Variants in SPPL2A observed in about 807,000 individuals in gnomAD.
The protein encoded by SPPL2A is signal peptide peptidase-like 2A.
In SPPL2A, 51 loss-of-function variants were observed where a neutral mutation model predicts 63.8. The ratio of observed to expected loss-of-function variants is 0.80; its 90% CI spans 0.64 to 1.01. The LOEUF (loss-of-function observed/expected upper bound fraction) is 1.01, where lower values mean the gene tolerates loss of function less well. Among genes scored for constraint, SPPL2A ranks in the 50% least tolerant of loss-of-function variants. The pLI is 0.00. For missense variants in SPPL2A, 553 were observed against 622.7 expected (o/e 0.89, Z 1.19); for synonymous variants, 188 against 205.8 (o/e 0.91, Z 0.74).
chr15:50,742,633 T>C (rs555067355), intron 5 of SPPL2A: 12 of 152,286 alleles, frequency 7.9e-5, no homozygotes, highest in Admixed American at 7.9e-4. Context: ...TTTACATCAC[T>C]GATTCATATT....
intron 1 of SPPL2A, 87 bp downstream of exon 1, chr15:50,765,380 CG>C (rs1358806702): frequency 7.7e-6 from 8 of 1,044,320 alleles, no homozygotes; most frequent in Non-Finnish European, 1.1e-5. Flanking sequence ...GAGGGGAGGC[CG>C]GGCGAGGAGT....
intron 1 of SPPL2A, among the ~76,000 whole-genome samples, chr15:50,765,023 C>A (rs1475247008): frequency 6.6e-6 from 1 of 151,976 alleles, no homozygotes; most frequent in Non-Finnish European, 1.5e-5. Context: ...AATTAAAGTG[C>A]AGTCCTCGAA....
At chr15:50,725,150 G>C in intron 12 of SPPL2A, 71 bp downstream of exon 12, 1 of 931,152 alleles carries the variant, frequency 1.1e-6, no homozygotes, top group Non-Finnish European at 1.7e-6. Flanking sequence ...ACTTTTAACA[G>C]ATTCTATACA....
intron 1 of SPPL2A, among the ~76,000 whole-genome samples, chr15:50,755,444 G>A (rs1174344251): frequency 6.6e-6 from 1 of 151,852 alleles, no homozygotes; most frequent in East Asian, 1.9e-4. Flanking sequence ...AATATGGAGA[G>A]ATCTCGTTTC....
Position 50,735,566 on chromosome 15 carries a change from C to T in SPPL2A, c.932+535G>A, listed in dbSNP as rs551021519. Among the ~76,000 whole-genome samples, 7 of 141,314 alleles carry T rather than the reference C, an allele frequency of 5.0e-5. No homozygotes were observed. In the South Asian group the frequency reaches 1.4e-3, roughly 27 times the overall value. The allele number at this position is 141,314 out of a possible 152,430, so 92.7% of individuals were successfully genotyped here. A position where few individuals can be genotyped will look rare whatever the true frequency, so the allele number is the denominator to read the frequency against. On this transcript the variant is annotated intron_variant, in intron 8 of 14. Coordinates refer to ENST00000261854, the MANE Select transcript of SPPL2A (RefSeq NM_032802.4). ...ACATACACACACACACACACACACA[C>T]ATATTTTTTTGAGATAGAGTTTCAC...
At chr15:50,733,414 A>G (rs2062745419) in intron 8 of SPPL2A, among the ~76,000 whole-genome samples, 1 of 152,156 alleles carries the variant, frequency 6.6e-6, no homozygotes. Context: ...AGATATCTGT[A>G]TATTTTCTTA....
Position 50,757,089 on chromosome 15 carries a change from C to CTTTTTTTTTTTTTTTTTT in SPPL2A, c.67-7344_67-7343insAAAAAAAAAAAAAAAAAA, listed in dbSNP as rs57100103. Among the ~76,000 whole-genome samples the CTTTTTTTTTTTTTTTTTT allele has an allele frequency of 2.6e-3, 328 of 128,326 alleles. 13 individuals are homozygous for CTTTTTTTTTTTTTTTTTT. Among genetic ancestry groups the CTTTTTTTTTTTTTTTTTT allele is most frequent in the African/African-American group, 6.9e-3 (225 of 32,680 alleles). The allele number at this position is 128,326 out of a possible 152,430, so 84.2% of individuals were successfully genotyped here. ...GTTCCTCCCACATCCTAAATCCTTT[C>CTTTTTTTTTTTTTTTTTT]TTTTTTTTTTTGAGACAGAGTCTCA... On this transcript the variant is annotated intron_variant, in intron 1 of 14. Transcript: ENST00000261854.
At chr15:50,714,760 T>C (rs575328201) in intron 14 of SPPL2A, among the ~76,000 whole-genome samples, 4 of 151,614 alleles carry the variant, frequency 2.6e-5, no homozygotes, top group African/African-American at 9.7e-5. Flanking sequence ...CTGGCTAACA[T>C]GGCGAAATAC....
chr15:50,707,975 C>T, intron 14 of SPPL2A, 101 bp from the exon 15 acceptor site: 1 of 695,776 alleles, frequency 1.4e-6, no homozygotes, highest in Admixed American at 2.2e-5. Flanking sequence ...ACACAGATTG[C>T]TCTATGAAAC....
chr15:50,762,284 C>CT (rs1163790758), intron 1 of SPPL2A, among the ~76,000 whole-genome samples: 2 of 151,244 alleles, frequency 1.3e-5, no homozygotes, highest in African/African-American at 4.9e-5. Context: ...AGGAGAATCA[C>CT]TTGAACCCAG....
At chr15:50,757,483 C>G (rs2062970022) in intron 1 of SPPL2A, among the ~76,000 whole-genome samples, 1 of 152,158 alleles carries the variant, frequency 6.6e-6, no homozygotes, top group Non-Finnish European at 1.5e-5. Flanking sequence ...TGCTCACCCC[C>G]AATCTTCCTT....
At chr15:50,740,224 C>T (rs181576469) in intron 5 of SPPL2A, among the ~76,000 whole-genome samples, 2 of 151,268 alleles carry the variant, frequency 1.3e-5, no homozygotes, top group South Asian at 2.1e-4. Flanking sequence ...GTCAGGAGTT[C>T]GAGACCAGCC....
intron 14 of SPPL2A, among the ~76,000 whole-genome samples, chr15:50,716,183 A>T (rs1257872167): frequency 1.3e-5 from 2 of 151,992 alleles, no homozygotes; most frequent in Admixed American, 1.3e-4. Context: ...TTCTATAATC[A>T]CATATTTTTA....
chr15:50,713,457 G>T (rs1296290663), intron 14 of SPPL2A, among the ~76,000 whole-genome samples: 2 of 151,764 alleles, frequency 1.3e-5, no homozygotes, highest in Non-Finnish European at 2.9e-5. Flanking sequence ...TAGAGACAGG[G>T]TTTTACCATA....
Position 50,749,649 on chromosome 15 carries a change from G to A in SPPL2A, c.164C>T (p.Thr55Ile). 1 of 1,587,064 alleles carries A rather than the reference G, an allele frequency of 6.3e-7. No homozygotes were observed. Among genetic ancestry groups the A allele is most frequent in the Non-Finnish European group, 8.7e-7 (1 of 1,155,574 alleles). Residue 55 changes from threonine (T) to isoleucine (I), a missense_variant, in exon 2 of 15, where the codon ACC (threonine) becomes ATC (isoleucine). Coordinates refer to ENST00000261854, the MANE Select transcript of SPPL2A (RefSeq NM_032802.4). ...TGATTTACTTACTGCATTTTCTAGG[G>A]TACTTGGAAGAGCTGTCCAATAAGG... ...YNPYWTALPSTLENATSISLM... is the reference protein window; with the variant it reads ...YNPYWTALPSILENATSISLM...
chr15:50,759,909 T>C (rs1418721406), intron 1 of SPPL2A, among the ~76,000 whole-genome samples: 1 of 152,136 alleles, frequency 6.6e-6, no homozygotes, highest in Non-Finnish European at 1.5e-5. Flanking sequence ...AAGGAGATTA[T>C]AGGTGTTGAA....
At position 50,703,716 on chromosome 15, in the gene SPPL2A, A is replaced by T. The variant is rs1362097645; in HGVS notation, c.*4084T>A. 3 of 152,052 alleles carry T rather than the reference A, an allele frequency of 2.0e-5. No individual in the cohort carries two copies. Among genetic ancestry groups the T allele is most frequent in the Non-Finnish European group, 4.4e-5 (3 of 68,020 alleles). 9.4% of individuals were successfully genotyped at this position (152,052 alleles called of 1,614,324 possible). On this transcript the variant is annotated 3_prime_UTR_variant, in exon 15 of 15. Coordinates refer to ENST00000261854, the MANE Select transcript of SPPL2A (RefSeq NM_032802.4). ...AATATGTCTATAACTCAAAGGATAA[A>T]TGCTTGAGGGAATGGATACCCCATT...
rs555836542 is a variant in SPPL2A at position 50,723,558 on chromosome 15, C to T, written c.1250-1357G>A. Among the ~76,000 whole-genome samples, 6 of 152,292 alleles carry T rather than the reference C, an allele frequency of 3.9e-5. No individual in the cohort carries two copies. The East Asian group carries it at 9.6e-4, about 24-fold the overall frequency. On this transcript the variant is annotated intron_variant, in intron 12 of 14. Transcript: ENST00000261854. Reference sequence around the variant, plus strand: ...TGGTGTGATCTCAGCTCACTGCAACCTCTGCCTCCTGGGTTCAGGTGATTC... The same window carrying T: ...TGGTGTGATCTCAGCTCACTGCAACTTCTGCCTCCTGGGTTCAGGTGATTC...
At chr15:50,743,470 T>C (rs1196726079) in intron 5 of SPPL2A, among the ~76,000 whole-genome samples, 1 of 151,998 alleles carries the variant, frequency 6.6e-6, no homozygotes, top group Non-Finnish European at 1.5e-5. Context: ...ATCAGCCTCC[T>C]GAGTAGCTAG....
Sources: allele counts gnomAD v4.1 joint callset (sites outside exome capture counted in the v4.1 genomes callset), GRCh38; gene constraint gnomAD v4.1.1; transcripts MANE v1.5; gene names NCBI Gene and HGNC (gene_info 2026-07-23, HGNC 2026-07-21).